The following GUCD1 variants were observed in gnomAD, a reference collection of about 807,000 sequenced individuals.
GUCD1 encodes guanylyl cyclase domain containing 1, also known as protein GUCD1.
Under a neutral mutation model 28.3 loss-of-function variants are expected in GUCD1, and 17 were observed. The observed-to-expected ratio is 0.60, with a 90% CI of 0.41 to 0.90. The LOEUF is 0.90. Ranked by LOEUF, GUCD1 falls within the 40% of genes least tolerant of loss-of-function variation. GUCD1 has a pLI of 0.00. For synonymous variants in GUCD1, 129 were observed against 123.3 expected, an observed-to-expected ratio of 1.05 and a Z score of -0.30; for missense variants, 279 against 305.5, an observed-to-expected ratio of 0.91 and a Z score of 0.65.
At chr22:24,551,506 C>T (rs893781851) in intron 1 of GUCD1, among the ~76,000 whole-genome samples, 1 of 152,210 alleles carries the variant, frequency 6.6e-6, no homozygotes, top group Admixed American at 6.5e-5. Flanking sequence ...CTTGGCTGCC[C>T]TCACCTGTGG....
Position 24,542,770 on chromosome 22 carries a change from T to G in GUCD1, c.*236A>C. On this transcript the variant is annotated 3_prime_UTR_variant, in exon 6 of 6. Coordinates refer to ENST00000435822, the MANE Select transcript of GUCD1 (RefSeq NM_001284254.2). Reference sequence around the variant, plus strand: ...CAGCTGGAGTCAAGGCTTGGGGTCTTGGGGTATGCTTCCAGCAGCCAGCAG... The same window carrying G: ...CAGCTGGAGTCAAGGCTTGGGGTCTGGGGGTATGCTTCCAGCAGCCAGCAG... 2.1e-6 allele frequency: 1 copy of G among 480,514 alleles called. No individual in the cohort carries two copies. The allele number at this position is 480,514 out of a possible 1,614,324, so 29.8% of individuals were successfully genotyped here.
chr22:24,554,050 CAGA>C (rs2044958301), intron 1 of GUCD1, among the ~76,000 whole-genome samples: 1 of 152,252 alleles, frequency 6.6e-6, no homozygotes, highest in South Asian at 2.1e-4. Flanking sequence ...TAACCCATCT[CAGA>C]CTCAGTCTGC....
intron 4 of GUCD1, among the ~76,000 whole-genome samples, chr22:24,544,840 T>C (rs1239183695): frequency 3.7e-4 from 56 of 152,138 alleles, no homozygotes; most frequent in Admixed American, 3.6e-3. Flanking sequence ...AGCAGTACCC[T>C]GTCTTTACAA....
At chr22:24,553,562 C>G (rs1052097063) in intron 1 of GUCD1, among the ~76,000 whole-genome samples, 5 of 152,236 alleles carry the variant, frequency 3.3e-5, no homozygotes, top group African/African-American at 1.2e-4. Context: ...CTGCTCTGCA[C>G]CCCTCCTCCC....
chr22:24,543,792 G>T (rs780715219), intron 5 of GUCD1, 50 bp downstream of exon 5: 3 of 1,598,006 alleles, frequency 1.9e-6, no homozygotes, highest in East Asian at 2.2e-5. Context: ...TGGGCATACA[G>T]AACAGTGAAT....
rs2044604263 is a variant in GUCD1, at chr22:24,541,939, A to G, written c.*1067T>C. ...TGAAAACTTAAATCTCAAAGAAACA[A>G]CCCCTGACCCCAACCTCCCCAAAAA... On this transcript the variant is annotated 3_prime_UTR_variant, in exon 6 of 6. Transcript: ENST00000435822. 1 of 152,146 alleles carries G rather than the reference A, an allele frequency of 6.6e-6. No homozygotes were observed. The highest frequency in any genetic ancestry group is 1.5e-5 in the Non-Finnish European group (1 of 68,032). The allele number at this position is 152,146 out of a possible 1,614,324, so 9.4% of individuals were successfully genotyped here.
chr22:24,553,032 C>T (rs1394318857), intron 1 of GUCD1, among the ~76,000 whole-genome samples: 1 of 152,182 alleles, frequency 6.6e-6, no homozygotes, highest in African/African-American at 2.4e-5. Flanking sequence ...TAAAGACCCA[C>T]CCAAGCCCTG....
At position 24,547,018 on chromosome 22, in the gene GUCD1, GA is replaced by G; in HGVS notation, c.295-14del. ...TCCTGTAGAAGGACTGAACAGAGAA[GA>G]GGGGGATGGAGTGGCCACCACCCAG... is the stretch of plus-strand genomic sequence containing the variant. On this transcript the variant is annotated splice_polypyrimidine_tract_variant and intron_variant, in intron 3 of 5. Transcript: ENST00000435822. The G allele has an allele frequency of 5.0e-6, 8 of 1,604,430 alleles. No individual in the cohort carries two copies. Among genetic ancestry groups the G allele is most frequent in the Non-Finnish European group, 6.8e-6 (8 of 1,171,184 alleles).
chr22:24,546,011 G>A (rs2044717033), intron 4 of GUCD1, among the ~76,000 whole-genome samples: 1 of 151,228 alleles, frequency 6.6e-6, no homozygotes, highest in South Asian at 2.1e-4. Flanking sequence ...CCCCAGGCCG[G>A]AGTGCAGTGG....
intron 4 of GUCD1, 80 bp from the exon 5 acceptor site, chr22:24,544,163 T>G (rs1429270837): frequency 1.4e-5 from 21 of 1,545,614 alleles, no homozygotes; most frequent in Non-Finnish European, 1.7e-5. Context: ...TTGTGCCTGT[T>G]TCTCTGTTAC....
intron 1 of GUCD1, among the ~76,000 whole-genome samples, chr22:24,550,650 G>C (rs9624495): frequency 0.14 from 20,838 of 152,160 alleles, 1,494 homozygotes; most frequent in South Asian, 0.23. Flanking sequence ...GCCAGCCCCA[G>C]TTCCCCTCAC....
At chr22:24,553,256 T>C (rs1328103447) in intron 1 of GUCD1, among the ~76,000 whole-genome samples, 1 of 152,234 alleles carries the variant, frequency 6.6e-6, no homozygotes. Flanking sequence ...TGGGCCACAC[T>C]GGAAGAATTG....
intron 4 of GUCD1, among the ~76,000 whole-genome samples, chr22:24,546,183 G>C (rs1030952096): frequency 1.3e-5 from 2 of 151,294 alleles, no homozygotes; most frequent in Non-Finnish European, 2.9e-5. Context: ...GGATGGTCTC[G>C]ATCTCCTGAC....
intron 1 of GUCD1, 45 bp downstream of exon 1, chr22:24,554,904 C>T (rs375128851): frequency 2.0e-6 from 3 of 1,483,610 alleles, no homozygotes; most frequent in Middle Eastern, 1.7e-4. Context: ...GGAGGGGTCC[C>T]TTTCGTTCCT....
intron 1 of GUCD1, among the ~76,000 whole-genome samples, chr22:24,551,879 G>C (rs1457537419): frequency 6.6e-6 from 1 of 152,232 alleles, no homozygotes; most frequent in Non-Finnish European, 1.5e-5. Context: ...GGGTGCAGAA[G>C]ATATCCACAA....
At chr22:24,544,919 C>T (rs572038125) in intron 4 of GUCD1, among the ~76,000 whole-genome samples, 1 of 151,984 alleles carries the variant, frequency 6.6e-6, no homozygotes, top group East Asian at 1.9e-4. Flanking sequence ...ACTCGGGAGA[C>T]TGAGGCAAGA....
At chr22:24,549,042 A>AG in intron 1 of GUCD1, 41 bp from the exon 2 acceptor site, 1 of 1,409,320 alleles carries the variant, frequency 7.1e-7, no homozygotes, top group Non-Finnish European at 9.8e-7. Context: ...CTCAGCGCAG[A>AG]GCCCACCACT....
rs2044605861 is a variant in GUCD1, at chr22:24,542,010, TGGGC to T, written c.*992_*995del. 6.6e-6 allele frequency: 1 copy of T among 152,274 alleles called. No individual in the cohort carries two copies. Among genetic ancestry groups the T allele is most frequent in the African/African-American group, 2.4e-5 (1 of 41,478 alleles). 9.4% of individuals were successfully genotyped at this position (152,274 alleles called of 1,614,324 possible). A position where few individuals can be genotyped will look rare whatever the true frequency, so the allele number is the denominator to read the frequency against. ...TGCTACTTGCTGTGTTGTAAGATCC[TGGGC>T]AGGAACCCCTCTTCTCCATCAAGAT... On this transcript the variant is annotated 3_prime_UTR_variant, in exon 6 of 6. Transcript: ENST00000435822.
chr22:24,546,860 C>T, intron 4 of GUCD1, 54 bp downstream of exon 4: 2 of 1,479,694 alleles, frequency 1.4e-6, no homozygotes, highest in Non-Finnish European at 1.9e-6. Flanking sequence ...CACTGCAGAT[C>T]TGTGGGTGAG....
Sources: allele counts gnomAD v4.1 joint callset (sites outside exome capture counted in the v4.1 genomes callset), GRCh38; gene constraint gnomAD v4.1.1; transcripts MANE v1.5; gene names NCBI Gene and HGNC (gene_info 2026-07-23, HGNC 2026-07-21).